POLR3A: variants seen among roughly 807,000 people sequenced by gnomAD.
POLR3A encodes DNA-directed RNA polymerase III subunit RPC1.
In POLR3A, 112 loss-of-function variants were observed where a neutral mutation model predicts 152.8. The ratio of observed to expected loss-of-function variants is 0.73; its 90% CI spans 0.63 to 0.86. The LOEUF is 0.86. Ranked by LOEUF, POLR3A falls within the 40% of genes least tolerant of loss-of-function variation. The pLI is 0.00. For synonymous variants in POLR3A, 615 were observed against 652.1 expected (o/e 0.94, Z 0.87); for missense variants, 1,385 against 1,743.1 (o/e 0.79, Z 3.66).
At position 78,021,649 on chromosome 10, in the gene POLR3A, ACT is replaced by A; in HGVS notation, c.1080_1081del (p.Arg360SerfsTer18). ...GATGACTGTTCTGCCAGAAAAATCC[ACT>A]CTCTTTCCTGAGAGATTTCCTCTAA... On this transcript the variant is annotated frameshift_variant, in exon 8 of 31. Transcript: ENST00000372371. LOFTEE classifies it high-confidence loss of function. The A allele has an allele frequency of 1.9e-6, 3 of 1,613,866 alleles. No individual in the cohort carries two copies. The highest frequency in any genetic ancestry group is 2.5e-6 in the Non-Finnish European group (3 of 1,179,906).
intron 1 of POLR3A, among the ~76,000 whole-genome samples, chr10:78,026,848 A>AT (rs1847640292): frequency 6.6e-6 from 1 of 152,156 alleles, no homozygotes; most frequent in Admixed American, 6.6e-5. Context: ...TTCCACCTAG[A>AT]TATCTCATAG....
intron 4 of POLR3A, 132 bp downstream of exon 4, chr10:78,024,839 C>G: frequency 7.5e-7 from 1 of 1,332,008 alleles, no homozygotes; most frequent in Non-Finnish European, 1.1e-6. Flanking sequence ...AATAGGACAT[C>G]AGTTGTTGGG....
intron 11 of POLR3A, among the ~76,000 whole-genome samples, chr10:78,010,935 A>T (rs1847461150): frequency 1.3e-5 from 2 of 152,146 alleles, no homozygotes; most frequent in African/African-American, 4.8e-5. Context: ...CCTCAACCTC[A>T]TGGGGCTCAA....
At chr10:77,981,135 AT>A (rs1393580062) in intron 29 of POLR3A, among the ~76,000 whole-genome samples, 2 of 151,988 alleles carry the variant, frequency 1.3e-5, no homozygotes, top group Non-Finnish European at 2.9e-5. Context: ...GCAGTGGCTA[AT>A]TTTGCTTTAG....
intron 1 of POLR3A, 103 bp from the exon 2 acceptor site, chr10:78,026,332 C>A: frequency 8.6e-7 from 1 of 1,166,104 alleles, no homozygotes; most frequent in Admixed American, 1.9e-5. Flanking sequence ...CCAACTGTCT[C>A]CACTGGCTTT....
chr10:77,996,231 C>A (rs1847298988), intron 19 of POLR3A, among the ~76,000 whole-genome samples: 1 of 152,072 alleles, frequency 6.6e-6, no homozygotes, highest in African/African-American at 2.4e-5. Flanking sequence ...AATTGACACC[C>A]TAACATCACA....
intron 19 of POLR3A, among the ~76,000 whole-genome samples, chr10:77,993,876 T>C (rs1038338551): frequency 3.3e-5 from 5 of 152,102 alleles, no homozygotes; most frequent in Non-Finnish European, 7.4e-5. Flanking sequence ...TTCTCAAATC[T>C]GCTTAGGGAG....
At chr10:78,028,503 A>G (rs1169315348) in intron 1 of POLR3A, among the ~76,000 whole-genome samples, 1 of 152,094 alleles carries the variant, frequency 6.6e-6, no homozygotes, top group East Asian at 1.9e-4. Flanking sequence ...GTCTGCTGTA[A>G]GAATGATGAA....
chr10:77,993,093 T>C, intron 20 of POLR3A, 104 bp downstream of exon 20: 1 of 875,784 alleles, frequency 1.1e-6, no homozygotes. Context: ...GGATTATAAA[T>C]ACTGAAGTAT....
At chr10:77,988,938 G>C (rs1847222608) in intron 21 of POLR3A, among the ~76,000 whole-genome samples, 1 of 152,150 alleles carries the variant, frequency 6.6e-6, no homozygotes, top group African/African-American at 2.4e-5. Flanking sequence ...TCATCTGCAA[G>C]GGACTGTGCA....
At position 78,021,925 on chromosome 10, in the gene POLR3A, A is replaced by G; in HGVS notation, c.983T>C (p.Ile328Thr). 6.2e-7 allele frequency: 1 copy of G among 1,614,160 alleles called. No homozygotes were observed. ...CTTCTTGGGTGCCATGTTGAGGGGA[A>G]TGCCCGAGAGCTCACTGTTAATGTA... is the stretch of plus-strand genomic sequence containing the variant. ...ALYINSELSG[I>T]PLNMAPKKWT... The change falls in exon 7 of 31, where the codon ATT becomes ACT. Residue 328 changes from isoleucine (I) to threonine (T), a missense_variant. Around this residue, in one of 7 missense-constraint regions of POLR3A, gnomAD observed 493 missense variants for 647.5 expected, o/e 0.76. Transcript: ENST00000372371.
intron 19 of POLR3A, among the ~76,000 whole-genome samples, chr10:77,998,030 C>T (rs1847319394): frequency 6.6e-6 from 1 of 152,044 alleles, no homozygotes; most frequent in Admixed American, 6.6e-5. Context: ...TTTGACAAAC[C>T]TGAGAAAAAC....
intron 26 of POLR3A, among the ~76,000 whole-genome samples, chr10:77,983,393 G>A (rs1175841438): frequency 2.6e-5 from 4 of 152,216 alleles, no homozygotes; most frequent in Admixed American, 2.6e-4. Context: ...AACTACCCGA[G>A]AGAAAGAAGA....
At chr10:78,022,061 A>C (rs775779183) in intron 6 of POLR3A, 39 bp from the exon 7 acceptor site, 1 of 1,614,076 alleles carries the variant, frequency 6.2e-7, no homozygotes, top group Admixed American at 1.7e-5. Flanking sequence ...AAACCTGGTC[A>C]GTTTGATTTT....
chr10:77,983,869 T>C lies in POLR3A; in HGVS notation c.3429+51A>G, dbSNP rs1288919501. On this transcript the variant is annotated intron_variant, in intron 26 of 30. Coordinates refer to ENST00000372371, the MANE Select transcript of POLR3A (RefSeq NM_007055.4). ...TCTTGCCCTAGTTTATCAGTACCTA[T>C]CTTGGGACTAACAGGATGACTTCCT... is the stretch of plus-strand genomic sequence containing the variant. 1 of 1,115,712 alleles carries C rather than the reference T, an allele frequency of 9.0e-7. No homozygotes were observed. Among genetic ancestry groups the C allele is most frequent in the Non-Finnish European group, 1.4e-6 (1 of 728,124 alleles). The allele number at this position is 1,115,712 out of a possible 1,614,324, so 69.1% of individuals were successfully genotyped here.
chr10:78,024,609 C>T lies in POLR3A; in HGVS notation c.585G>A (p.Gln195=), dbSNP rs766441294. The T allele has an allele frequency of 6.8e-6, 11 of 1,613,958 alleles. No individual in the cohort carries two copies. The highest frequency in any genetic ancestry group is 9.3e-6 in the Non-Finnish European group (11 of 1,180,010). The change falls in exon 5 of 31, where the codon CAG becomes CAA. Residue 195 remains glutamine, a synonymous_variant. Coordinates refer to ENST00000372371, the MANE Select transcript of POLR3A (RefSeq NM_007055.4). ...TATGTTCAATGGCTGTTTCAAAAGA[C>T]TGAAGGAAATTTGATACAATGGGAT... ...VVDPIVSNFL[Q]SFETAIEHNK...
chr10:78,026,689 A>G (rs1430020570), intron 1 of POLR3A, among the ~76,000 whole-genome samples: 1 of 152,164 alleles, frequency 6.6e-6, no homozygotes, highest in African/African-American at 2.4e-5. Flanking sequence ...ACCTAGCATT[A>G]CAACCTTCAT....
intron 20 of POLR3A, among the ~76,000 whole-genome samples, chr10:77,992,306 C>T (rs559270907): frequency 1.0e-3 from 153 of 148,718 alleles, no homozygotes; most frequent in Middle Eastern, 3.5e-3. Flanking sequence ...GGGTCTTGGT[C>T]TGTCACCCAG....
At chr10:77,995,753 G>A (rs1189706360) in intron 19 of POLR3A, among the ~76,000 whole-genome samples, 3 of 152,072 alleles carry the variant, frequency 2.0e-5, no homozygotes, top group Non-Finnish European at 2.9e-5. Flanking sequence ...ACAGAACAAC[G>A]AGACAGAAAG....
Sources: allele counts gnomAD v4.1 joint callset (sites outside exome capture counted in the v4.1 genomes callset), GRCh38; gene constraint gnomAD v4.1.1; regional missense constraint gnomAD v4.1.1; transcripts MANE v1.5; gene names NCBI Gene and HGNC (gene_info 2026-07-23, HGNC 2026-07-21).